Variants in RALGAPA2 observed in about 807,000 individuals in gnomAD.
RALGAPA2 encodes the protein Ral GTPase activating protein catalytic subunit alpha 2.
A neutral mutation model predicts 230.4 loss-of-function variants in RALGAPA2; 139 were observed. The ratio of observed to expected loss-of-function variants is 0.60; its 90% CI spans 0.53 to 0.69. RALGAPA2 has a LOEUF of 0.69. Among genes scored for constraint, RALGAPA2 ranks in the 30% least tolerant of loss-of-function variants. The pLI is 0.00. For missense variants in RALGAPA2, 2,163 were observed against 2,276.0 expected (o/e 0.95, Z 1.01); for synonymous variants, 847 against 837.8 (o/e 1.01, Z -0.19).
rs539866650 is a variant in RALGAPA2 at position 20,573,028 on chromosome 20, G to C, written c.2748C>G (p.Ala916=). The part of the protein sequence containing the change: ...ECLTDDCSII[A]GGSLTGWHPD... The stretch of plus-strand genomic sequence containing the variant: ...GGTGCCAACCAGTGAGGCTCCCCCC[G>C]GCGATTATACTACAGTCATCTGTGA... Residue 916 remains alanine (A), a synonymous_variant, in exon 21 of 40, where the codon GCC becomes GCG. Transcript: ENST00000202677. 4 of 1,610,096 alleles carry C rather than the reference G, an allele frequency of 2.5e-6. No individual in the cohort carries two copies. The highest frequency in any genetic ancestry group is 1.7e-5 in the Admixed American group (1 of 59,588).
chr20:20,492,646 C>T (rs1030927240), intron 36 of RALGAPA2, among the ~76,000 whole-genome samples: 1 of 152,160 alleles, frequency 6.6e-6, no homozygotes, highest in Non-Finnish European at 1.5e-5. Context: ...GCAGCATGTC[C>T]CTGGCGGTAT....
chr20:20,438,493 TC>T (rs2060663025), intron 37 of RALGAPA2, among the ~76,000 whole-genome samples: 1 of 152,204 alleles, frequency 6.6e-6, no homozygotes, highest in Non-Finnish European at 1.5e-5. Context: ...TGGGACTGAC[TC>T]CCTTTATCCC....
chr20:20,504,902 T>C (rs2062487481), intron 34 of RALGAPA2: 1 of 800,976 alleles, frequency 1.2e-6, no homozygotes, highest in South Asian at 5.7e-5. Flanking sequence ...GAGTACCATT[T>C]AATAAAGAAA....
At chr20:20,605,056 G>A in intron 15 of RALGAPA2, 119 bp downstream of exon 15, 1 of 760,576 alleles carries the variant, frequency 1.3e-6, no homozygotes, top group East Asian at 2.7e-5. Flanking sequence ...CTATTAAGAA[G>A]ACACTGTGTA....
At chr20:20,692,085 T>A (rs1172251302) in intron 1 of RALGAPA2, among the ~76,000 whole-genome samples, 1 of 152,176 alleles carries the variant, frequency 6.6e-6, no homozygotes, top group Non-Finnish European at 1.5e-5. Context: ...AGGAAGATGC[T>A]GGTGCCATGC....
chr20:20,524,600 G>A, intron 29 of RALGAPA2, 57 bp from the exon 30 acceptor site: 1 of 1,595,544 alleles, frequency 6.3e-7, no homozygotes, highest in South Asian at 1.1e-5. Context: ...CTCACTACAT[G>A]TAATAATAAG....
intron 15 of RALGAPA2, among the ~76,000 whole-genome samples, chr20:20,603,419 C>T (rs2065722423): frequency 6.6e-6 from 1 of 152,190 alleles, no homozygotes; most frequent in Non-Finnish European, 1.5e-5. Flanking sequence ...CTGGTTCACA[C>T]CTCCCTGTAT....
intron 36 of RALGAPA2, among the ~76,000 whole-genome samples, chr20:20,476,425 T>G (rs2061650397): frequency 6.6e-6 from 1 of 151,964 alleles, no homozygotes; most frequent in Admixed American, 6.5e-5. Flanking sequence ...GTAATTGATT[T>G]GCAATAAAGG....
At chr20:20,519,432 T>C (rs1342934529) in intron 31 of RALGAPA2, among the ~76,000 whole-genome samples, 2 of 152,202 alleles carry the variant, frequency 1.3e-5, no homozygotes, top group South Asian at 2.1e-4. Flanking sequence ...CTGCCTGCTG[T>C]GTCCTTCCTC....
chr20:20,432,674 C>A (rs1180220544), intron 37 of RALGAPA2, among the ~76,000 whole-genome samples: 3 of 151,954 alleles, frequency 2.0e-5, no homozygotes, highest in African/African-American at 7.3e-5. Context: ...AAATACATTC[C>A]ACCATGCTAT....
chr20:20,668,201 G>A (rs759234298), intron 3 of RALGAPA2, among the ~76,000 whole-genome samples: 2 of 152,176 alleles, frequency 1.3e-5, no homozygotes, highest in Non-Finnish European at 2.9e-5. Flanking sequence ...CCAGGAGTTT[G>A]AGACCAGCCT....
chr20:20,510,601 T>C (rs1252198618), intron 33 of RALGAPA2, among the ~76,000 whole-genome samples: 1 of 151,950 alleles, frequency 6.6e-6, no homozygotes, highest in Non-Finnish European at 1.5e-5. Context: ...CTTTGGAACA[T>C]CTGTTATGTA....
At chr20:20,636,582 G>GTA (rs1282998976) in intron 8 of RALGAPA2, among the ~76,000 whole-genome samples, 3 of 151,652 alleles carry the variant, frequency 2.0e-5, no homozygotes, top group Non-Finnish European at 2.9e-5. Flanking sequence ...GTGTGTGTGT[G>GTA]TACGCATACA....
At chr20:20,514,135 G>C (rs987439236) in intron 31 of RALGAPA2, among the ~76,000 whole-genome samples, 1 of 151,246 alleles carries the variant, frequency 6.6e-6, no homozygotes, top group African/African-American at 2.4e-5. Context: ...GGTATAGTAG[G>C]GCCCTCTCCA....
intron 23 of RALGAPA2, among the ~76,000 whole-genome samples, chr20:20,558,065 C>A (rs949394540): frequency 6.6e-6 from 1 of 151,948 alleles, no homozygotes; most frequent in African/African-American, 2.4e-5. Flanking sequence ...AGTGCAGTGG[C>A]GCAATCTCGG....
At chr20:20,443,409 A>G (rs1426871749) in intron 37 of RALGAPA2, among the ~76,000 whole-genome samples, 5 of 152,212 alleles carry the variant, frequency 3.3e-5, no homozygotes, top group African/African-American at 1.2e-4. Context: ...GGGGCATGGG[A>G]GAACTATGAA....
chr20:20,446,147 C>T (rs2060856503), intron 37 of RALGAPA2, among the ~76,000 whole-genome samples: 1 of 151,900 alleles, frequency 6.6e-6, no homozygotes, highest in Non-Finnish European at 1.5e-5. Context: ...ACTGTGACCT[C>T]TTTGGATTGC....
chr20:20,457,851 G>A (rs756613304), intron 37 of RALGAPA2, among the ~76,000 whole-genome samples: 1 of 152,224 alleles, frequency 6.6e-6, no homozygotes, highest in African/African-American at 2.4e-5. Context: ...ACATGTGTGC[G>A]GGGCTCTCGC....
At chr20:20,674,729 A>G (rs1170943689) in intron 3 of RALGAPA2, among the ~76,000 whole-genome samples, 1 of 152,238 alleles carries the variant, frequency 6.6e-6, no homozygotes, top group East Asian at 1.9e-4. Flanking sequence ...GGTAAAAAGC[A>G]TGTCGAAGGT....
Sources: allele counts gnomAD v4.1 joint callset (sites outside exome capture counted in the v4.1 genomes callset), GRCh38; gene constraint gnomAD v4.1.1; transcripts MANE v1.5; gene names NCBI Gene and HGNC (gene_info 2026-07-23, HGNC 2026-07-21).